TMEM117: variants seen among roughly 807,000 people sequenced by gnomAD.
TMEM117 encodes transmembrane protein 117.
Under a neutral mutation model 52.4 loss-of-function variants are expected in TMEM117, and 27 were observed. The ratio of observed to expected loss-of-function variants is 0.51; its 90% confidence interval spans 0.38 to 0.71. TMEM117 has a LOEUF of 0.71. TMEM117 is among the 30% of genes least tolerant of loss of function. The pLI is 0.00. For missense variants in TMEM117, 556 were observed against 630.5 expected (o/e 0.88, Z 1.26); for synonymous variants, 215 against 206.3 (o/e 1.04, Z -0.36).
At chr12:43,895,109 T>C (rs1944176159) in intron 2 of TMEM117, among the ~76,000 whole-genome samples, 1 of 152,184 alleles carries the variant, frequency 6.6e-6, no homozygotes, top group Non-Finnish European at 1.5e-5. Flanking sequence ...AAGCCTAGTA[T>C]CCATTAGTTA....
chr12:44,134,746 A>G (rs1441664220), intron 3 of TMEM117, among the ~76,000 whole-genome samples: 1 of 152,088 alleles, frequency 6.6e-6, no homozygotes, highest in Non-Finnish European at 1.5e-5. Flanking sequence ...AATTGAACAA[A>G]ATACTCAGAA....
At chr12:43,805,945 C>A in the TMEM117 span, 2 of 1,536,408 alleles carry the variant, frequency 1.3e-6, no homozygotes, top group Non-Finnish European at 1.8e-6. Context: ...GGCACGCCCC[C>A]TTCAACCAGG....
chr12:44,032,558 A>G (rs2137872727), intron 3 of TMEM117, among the ~76,000 whole-genome samples: 1 of 152,344 alleles, frequency 6.6e-6, no homozygotes, highest in East Asian at 1.9e-4. Flanking sequence ...ATTCATGGAA[A>G]GCCTTCTAAT....
intron 5 of TMEM117, among the ~76,000 whole-genome samples, chr12:44,224,541 TTCC>T (rs996823867): frequency 1.3e-4 from 20 of 151,668 alleles, no homozygotes; most frequent in Non-Finnish European, 8.8e-5. Context: ...CCTCCTTCTC[TTCC>T]TCCTCCTCCT....
intron 7 of TMEM117, among the ~76,000 whole-genome samples, chr12:44,381,174 A>G (rs1349655512): frequency 6.6e-6 from 1 of 152,158 alleles, no homozygotes; most frequent in Non-Finnish European, 1.5e-5. Context: ...TTTCTATCCA[A>G]GAGTGTTTTA....
intron 2 of TMEM117, among the ~76,000 whole-genome samples, chr12:43,902,983 C>T (rs1289917361): frequency 2.0e-5 from 3 of 151,866 alleles, no homozygotes; most frequent in Admixed American, 2.0e-4. Context: ...TCTGGTTGAC[C>T]TTTTCTGGAA....
At chr12:43,927,854 A>G (rs1303253338) in intron 2 of TMEM117, among the ~76,000 whole-genome samples, 1 of 151,992 alleles carries the variant, frequency 6.6e-6, no homozygotes, top group East Asian at 1.9e-4. Context: ...TCAGTTTTCT[A>G]TCTTCTATCT....
chr12:44,337,474 T>G (rs1951356639), intron 6 of TMEM117, among the ~76,000 whole-genome samples: 1 of 151,954 alleles, frequency 6.6e-6, no homozygotes, highest in South Asian at 2.1e-4. Flanking sequence ...GTGACATTGG[T>G]CAGGTAAGAA....
intron 2 of TMEM117, among the ~76,000 whole-genome samples, chr12:43,940,698 C>A (rs535528040): frequency 2.4e-4 from 36 of 152,156 alleles, no homozygotes; most frequent in African/African-American, 8.7e-4. Context: ...TGCACCACCA[C>A]GCCTGGCTAA....
intron 4 of TMEM117, among the ~76,000 whole-genome samples, chr12:44,210,827 T>G (rs1949635758): frequency 6.6e-6 from 1 of 152,108 alleles, no homozygotes; most frequent in African/African-American, 2.4e-5. Flanking sequence ...ATAAATATGC[T>G]GTAGAACTGG....
intron 5 of TMEM117, among the ~76,000 whole-genome samples, chr12:44,281,521 A>G (rs1950576733): frequency 6.6e-6 from 1 of 152,182 alleles, no homozygotes; most frequent in Non-Finnish European, 1.5e-5. Context: ...ATTTTATCAG[A>G]ACCTTATTTT....
intron 3 of TMEM117, among the ~76,000 whole-genome samples, chr12:44,084,111 C>CAT (rs1947528528): frequency 6.6e-6 from 1 of 152,060 alleles, no homozygotes; most frequent in Non-Finnish European, 1.5e-5. Flanking sequence ...CAGACTAAAT[C>CAT]ATATATATAG....
At chr12:44,376,505 A>G in intron 6 of TMEM117, 90 bp from the exon 7 acceptor site, 1 of 1,477,828 alleles carries the variant, frequency 6.8e-7, no homozygotes. Context: ...ATGATTTTAA[A>G]ATAAGTGCTT....
the TMEM117 span, chr12:43,798,624 A>G: frequency 1.4e-6 from 2 of 1,468,814 alleles, no homozygotes; most frequent in Non-Finnish European, 9.0e-7. Context: ...AAACTCGTAA[A>G]AAAAAAAAAA....
intron 3 of TMEM117, among the ~76,000 whole-genome samples, chr12:44,133,412 A>G (rs1259853346): frequency 6.6e-6 from 1 of 152,148 alleles, no homozygotes; most frequent in Non-Finnish European, 1.5e-5. Context: ...CTCTCAGAAA[A>G]CTTACTGAGT....
intron 3 of TMEM117, among the ~76,000 whole-genome samples, chr12:43,978,094 G>A (rs1473192829): frequency 6.6e-6 from 1 of 152,132 alleles, no homozygotes; most frequent in East Asian, 1.9e-4. Context: ...TAGTCTTTGG[G>A]TAAGTTGAAA....
chr12:44,024,062 C>G lies in TMEM117; in HGVS notation c.410+79720C>G, dbSNP rs1293452326. Among the ~76,000 whole-genome samples the G allele has an allele frequency of 5.3e-5, 8 of 152,196 alleles. 1 individual carries two copies. Among genetic ancestry groups the G allele is most frequent in the African/African-American group, 1.9e-4 (8 of 41,510 alleles). On this transcript the variant is annotated intron_variant, in intron 3 of 7. Coordinates refer to ENST00000266534, the MANE Select transcript of TMEM117 (RefSeq NM_032256.3). ...TCGTTCCACATGAAGACAGGAAGCC[C>G]TTTTCAGAAGACTAACATGGTAACG...
At chr12:44,286,308 TTA>T (rs974518581) in intron 5 of TMEM117, among the ~76,000 whole-genome samples, 11 of 150,626 alleles carry the variant, frequency 7.3e-5, no homozygotes, top group Non-Finnish European at 1.3e-4. Flanking sequence ...TAAAACAGTT[TTA>T]TATATATAAT....
At chr12:44,240,497 C>T (rs907429199) in intron 5 of TMEM117, among the ~76,000 whole-genome samples, 2 of 152,042 alleles carry the variant, frequency 1.3e-5, no homozygotes, top group African/African-American at 4.8e-5. Flanking sequence ...AATTGGTGGT[C>T]TTTGCTATCC....
Sources: gnomAD v4.1 joint callset for allele counts (sites outside exome capture counted in the v4.1 genomes callset) on GRCh38, gnomAD v4.1.1 for gene constraint, MANE v1.5 for transcripts, NCBI Gene and HGNC (gene_info 2026-07-23, HGNC 2026-07-21) for gene names.